USP26: variants seen among roughly 807,000 people sequenced by gnomAD.
The protein encoded by USP26 is ubiquitin carboxyl-terminal hydrolase 26.
For synonymous variants in USP26, 236 were observed against 240.6 expected (o/e 0.98, Z 0.18); for missense variants, 649 against 642.3 (o/e 1.01, Z -0.11).
intron 4 of USP26, among the ~76,000 whole-genome samples, chrX:133,087,852 G>A (rs143633085): frequency 0.034 from 3,795 of 111,310 alleles, 98 homozygotes; most frequent in East Asian, 0.1. Flanking sequence ...GAGAGAGGAA[G>A]TCACACCAAG....
chrX:133,037,450 GT>G (rs1169785196), intron 5 of USP26, among the ~76,000 whole-genome samples: 1 of 112,008 alleles, frequency 8.9e-6, no homozygotes, highest in East Asian at 2.8e-4. Flanking sequence ...CCCATTGTTT[GT>G]TTTTGTCAGG....
chrX:133,057,615 C>T (rs2067479690), intron 5 of USP26, among the ~76,000 whole-genome samples: 1 of 107,834 alleles, frequency 9.3e-6, no homozygotes, highest in Non-Finnish European at 1.9e-5. Context: ...GTATTTAACG[C>T]TATAAATTTT....
At chrX:133,084,512 C>CT (rs34922544) in intron 4 of USP26, among the ~76,000 whole-genome samples, 3,097 of 71,105 alleles carry the variant, frequency 0.044, 228 homozygotes, top group African/African-American at 0.17. Flanking sequence ...GGCAGAACTT[C>CT]TTTTTTTTTT....
chrX:133,072,017 A>G (rs1255965276), intron 5 of USP26, among the ~76,000 whole-genome samples: 1 of 111,765 alleles, frequency 8.9e-6, no homozygotes, highest in Non-Finnish European at 1.9e-5. Context: ...CCCAATAAAG[A>G]AATAACTACT....
intron 5 of USP26, among the ~76,000 whole-genome samples, chrX:133,075,438 A>G (rs771106359): frequency 4.5e-5 from 5 of 112,098 alleles, no homozygotes; most frequent in African/African-American, 1.6e-4. Context: ...CAATGTTTGT[A>G]TCTACCAAAT....
chrX:133,050,671 T>C (rs776865311), intron 5 of USP26, among the ~76,000 whole-genome samples: 1 of 111,833 alleles, frequency 8.9e-6, no homozygotes, highest in Admixed American at 9.5e-5. Context: ...GTTATCTACT[T>C]AAAAGAATGT....
At chrX:133,082,516 T>C (rs2067573814) in intron 5 of USP26, among the ~76,000 whole-genome samples, 1 of 112,238 alleles carries the variant, frequency 8.9e-6, no homozygotes, top group Admixed American at 9.5e-5. Flanking sequence ...GATTAAGAAA[T>C]GGAGGAATGA....
chrX:133,048,238 G>A (rs1020451142), intron 5 of USP26, among the ~76,000 whole-genome samples: 10 of 111,608 alleles, frequency 9.0e-5, no homozygotes, highest in African/African-American at 3.3e-4. Context: ...ATATTTTGAA[G>A]AGCCAGTATT....
At chrX:133,049,527 A>G (rs2067451939) in intron 5 of USP26, among the ~76,000 whole-genome samples, 1 of 112,301 alleles carries the variant, frequency 8.9e-6, no homozygotes, top group Non-Finnish European at 1.9e-5. Context: ...TTCTCAACCT[A>G]TAGATGCTTA....
intron 5 of USP26, among the ~76,000 whole-genome samples, chrX:133,028,597 C>T (rs904439793): frequency 8.9e-6 from 1 of 112,403 alleles, no homozygotes. Context: ...AAATACTGGA[C>T]TCCATTCTGA....
intron 5 of USP26, among the ~76,000 whole-genome samples, chrX:133,073,457 G>T (rs2067536818): frequency 9.1e-6 from 1 of 109,458 alleles, no homozygotes. Flanking sequence ...AAACTCCCTT[G>T]TGCCTATACC....
intron 5 of USP26, among the ~76,000 whole-genome samples, chrX:133,049,041 T>A (rs2067450253): frequency 8.9e-6 from 1 of 112,141 alleles, no homozygotes; most frequent in East Asian, 2.8e-4. Flanking sequence ...CAGTGCCTCC[T>A]GATGAGAGTC....
intron 4 of USP26, among the ~76,000 whole-genome samples, chrX:133,085,871 T>C (rs1194439621): frequency 9.0e-6 from 1 of 111,263 alleles, no homozygotes; most frequent in African/African-American, 3.3e-5. Context: ...CTGGGGCTAC[T>C]GTCTGGGTGG....
Position 133,032,749 on chromosome X carries a change from C to T in USP26, c.-76-4453G>A, listed in dbSNP as rs191597142. Among the ~76,000 whole-genome samples the T allele has an allele frequency of 1.7e-4, 19 of 111,242 alleles. No individual in the cohort carries two copies. In the South Asian group the frequency reaches 6.5e-3, roughly 38 times the overall value. Reference sequence around the variant, plus strand: ...GTAGAGAAAAAAATGATTATAAGTACGGACCCAGAAAGGGTGGAATGGAAC... The same window carrying T: ...GTAGAGAAAAAAATGATTATAAGTATGGACCCAGAAAGGGTGGAATGGAAC... On this transcript the variant is annotated intron_variant, in intron 5 of 5. Transcript: ENST00000511190.
intron 5 of USP26, among the ~76,000 whole-genome samples, chrX:133,058,611 T>G (rs772474021): frequency 8.9e-6 from 1 of 111,964 alleles, no homozygotes; most frequent in African/African-American, 3.2e-5. Context: ...ATGTTTCTTT[T>G]GATTTATCTT....
intron 5 of USP26, among the ~76,000 whole-genome samples, chrX:133,081,578 G>A (rs1335427643): frequency 8.9e-6 from 1 of 111,934 alleles, no homozygotes; most frequent in African/African-American, 3.3e-5. Flanking sequence ...TTACAGGCAT[G>A]AGCCACCATG....
intron 4 of USP26, among the ~76,000 whole-genome samples, chrX:133,087,223 T>C (rs928507344): frequency 8.9e-6 from 1 of 112,001 alleles, no homozygotes; most frequent in East Asian, 2.8e-4. Context: ...CTTCAAAAGT[T>C]GCAGTTCACT....
In USP26 at chrX:133,025,410, C is replaced by T. The variant is rs191817995; in HGVS notation, c.*69G>A. ...ATCTCTGGATAAAGTTCACAGTTTTCCTTCCATGGAGGAAGTGGTATCGAG... is the reference window on the plus strand; with the variant it reads ...ATCTCTGGATAAAGTTCACAGTTTTTCTTCCATGGAGGAAGTGGTATCGAG... On this transcript the variant is annotated 3_prime_UTR_variant, in exon 6 of 6. Coordinates refer to ENST00000511190, the MANE Select transcript of USP26 (RefSeq NM_031907.3). The T allele has an allele frequency of 5.0e-6, 6 of 1,200,258 alleles. No homozygotes were observed. The East Asian group carries it at 1.8e-4, about 36-fold the overall frequency.
intron 5 of USP26, among the ~76,000 whole-genome samples, chrX:133,036,151 A>C (rs1187360547): frequency 1.8e-5 from 2 of 108,881 alleles, no homozygotes; most frequent in Non-Finnish European, 3.8e-5. Flanking sequence ...CCAGTTGAAG[A>C]AGCTCATTTT....
Sources: gnomAD v4.1 joint callset for allele counts (sites outside exome capture counted in the v4.1 genomes callset) on GRCh38, gnomAD v4.1.1 for gene constraint, MANE v1.5 for transcripts, NCBI Gene and HGNC (gene_info 2026-07-23, HGNC 2026-07-21) for gene names.